The following ERBB4 variants were observed in gnomAD, a reference collection of about 807,000 sequenced individuals.
ERBB4 encodes receptor tyrosine-protein kinase erbB-4.
Under a neutral mutation model 158.0 loss-of-function variants are expected in ERBB4, and 42 were observed. The ratio of observed to expected loss-of-function variants is 0.27; its 90% CI spans 0.21 to 0.34. ERBB4 has a LOEUF of 0.34. ERBB4 is among the 10% of genes least tolerant of loss of function. ERBB4 has a pLI of 1.00. For missense variants in ERBB4, 1,333 were observed against 1,624.1 expected, an observed-to-expected ratio of 0.82 and a Z score of 3.08; for synonymous variants, 583 against 558.7, an observed-to-expected ratio of 1.04 and a Z score of -0.61.
rs2125300737 is a variant in ERBB4 at position 211,380,585 on chromosome 2, A to T, written c.*3030T>A. 1 of 232,106 alleles carries T rather than the reference A, an allele frequency of 4.3e-6. No individual in the cohort carries two copies. The highest frequency in any genetic ancestry group is 8.5e-6 in the Non-Finnish European group (1 of 117,336). 14.4% of individuals were successfully genotyped at this position (232,106 alleles called of 1,614,324 possible). ...CTAAATAAGTTATTCTCTGGAAGGAATGAAACTTTTTTTCTCCCTCTTATA... is the reference window on the plus strand; with the variant it reads ...CTAAATAAGTTATTCTCTGGAAGGATTGAAACTTTTTTTCTCCCTCTTATA... On this transcript the variant is annotated 3_prime_UTR_variant, in exon 28 of 28. Transcript: ENST00000342788.
At chr2:212,449,084 G>A (rs1237569010) in intron 1 of ERBB4, among the ~76,000 whole-genome samples, 1 of 151,970 alleles carries the variant, frequency 6.6e-6, no homozygotes, top group South Asian at 2.1e-4. Flanking sequence ...ATAGAAGTGT[G>A]GCTTCTATCA....
At chr2:212,033,365 T>C (rs1236688887) in intron 2 of ERBB4, among the ~76,000 whole-genome samples, 1 of 151,942 alleles carries the variant, frequency 6.6e-6, no homozygotes, top group Non-Finnish European at 1.5e-5. Context: ...TATTAAATTT[T>C]GTAATGCAGC....
chr2:211,668,969 T>A (rs1196500566), intron 14 of ERBB4, among the ~76,000 whole-genome samples: 2 of 152,080 alleles, frequency 1.3e-5, no homozygotes, highest in East Asian at 3.9e-4. Flanking sequence ...ACATCTTTAA[T>A]CCCAGCACTT....
chr2:211,565,206 G>A (rs567808166), intron 19 of ERBB4, among the ~76,000 whole-genome samples: 8 of 152,064 alleles, frequency 5.3e-5, no homozygotes, highest in South Asian at 2.1e-4. Context: ...TCATACTTAC[G>A]ATACAGCACA....
chr2:212,101,950 T>C (rs2079096813), intron 2 of ERBB4, among the ~76,000 whole-genome samples: 2 of 151,546 alleles, frequency 1.3e-5, no homozygotes, highest in Admixed American at 6.6e-5. Flanking sequence ...TTGTCTGCAT[T>C]CTCACAGTAT....
At chr2:212,367,717 C>T (rs543861164) in intron 1 of ERBB4, among the ~76,000 whole-genome samples, 55 of 152,048 alleles carry the variant, frequency 3.6e-4, no homozygotes, top group African/African-American at 1.3e-3. Context: ...CCAGAATCTA[C>T]AACGAATTCA....
chr2:211,918,225 A>G (rs1336070469), intron 3 of ERBB4, among the ~76,000 whole-genome samples: 8 of 152,174 alleles, frequency 5.3e-5, no homozygotes, highest in Admixed American at 4.6e-4. Flanking sequence ...TTCTCTTTGG[A>G]AAAGTAATTA....
At chr2:212,427,325 T>C (rs16848530) in intron 1 of ERBB4, among the ~76,000 whole-genome samples, 3,350 of 152,200 alleles carry the variant, frequency 0.022, 100 homozygotes, top group South Asian at 0.053. Flanking sequence ...GAGATGACAG[T>C]TTATCATATT....
chr2:212,043,961 A>T (rs2125378873), intron 2 of ERBB4, among the ~76,000 whole-genome samples: 1 of 152,110 alleles, frequency 6.6e-6, no homozygotes, highest in East Asian at 1.9e-4. Context: ...CTTAAAGGTT[A>T]TTTTTCTTTA....
At chr2:212,074,795 C>T (rs1300299796) in intron 2 of ERBB4, among the ~76,000 whole-genome samples, 5 of 151,970 alleles carry the variant, frequency 3.3e-5, no homozygotes, top group Non-Finnish European at 7.4e-5. Flanking sequence ...ATATTTTAAA[C>T]AGCTAGTAGG....
chr2:212,065,353 G>A (rs2125433333), intron 2 of ERBB4, among the ~76,000 whole-genome samples: 1 of 152,026 alleles, frequency 6.6e-6, no homozygotes, highest in Middle Eastern at 3.4e-3. Flanking sequence ...GGTGAACCAT[G>A]CAAAATTGCC....
intron 14 of ERBB4, among the ~76,000 whole-genome samples, chr2:211,669,239 GAA>G (rs1443445373): frequency 3.1e-5 from 3 of 98,228 alleles, no homozygotes; most frequent in Non-Finnish European, 6.6e-5. Context: ...AAAAAAAAAA[GAA>G]AAAAGAAAAA....
chr2:212,244,349 A>T (rs1044764239), intron 1 of ERBB4, among the ~76,000 whole-genome samples: 1 of 152,160 alleles, frequency 6.6e-6, no homozygotes, highest in Admixed American at 6.5e-5. Flanking sequence ...CTAGAATTTG[A>T]CACAAAATGA....
chr2:211,454,280 G>T (rs1408272029), intron 20 of ERBB4, among the ~76,000 whole-genome samples: 1 of 152,044 alleles, frequency 6.6e-6, no homozygotes, highest in Non-Finnish European at 1.5e-5. Context: ...GAACACTTTG[G>T]TAGAGAATAT....
chr2:212,272,476 A>C (rs2085378354), intron 1 of ERBB4, among the ~76,000 whole-genome samples: 1 of 151,750 alleles, frequency 6.6e-6, no homozygotes, highest in Non-Finnish European at 1.5e-5. Flanking sequence ...GGCCCAGAGA[A>C]GGGGGTTCCC....
At chr2:212,326,228 A>G in intron 1 of ERBB4, among the ~76,000 whole-genome samples, 1 of 150,754 alleles carries the variant, frequency 6.6e-6, no homozygotes. Flanking sequence ...AGTTTAAATA[A>G]CATGATTCCT....
At chr2:212,284,297 C>T (rs950032755) in intron 1 of ERBB4, among the ~76,000 whole-genome samples, 1 of 151,976 alleles carries the variant, frequency 6.6e-6, no homozygotes, top group Non-Finnish European at 1.5e-5. Context: ...TTTGTTGATA[C>T]TATTTACTCC....
At chr2:212,399,848 C>T (rs141778861) in intron 1 of ERBB4, among the ~76,000 whole-genome samples, 6,955 of 151,894 alleles carry the variant, frequency 0.046, 268 homozygotes, top group African/African-American at 0.11. Context: ...CACTGCACTC[C>T]AGCCTGGTGA....
intron 1 of ERBB4, among the ~76,000 whole-genome samples, chr2:212,165,708 A>T (rs1656802159): frequency 6.6e-6 from 1 of 151,996 alleles, no homozygotes; most frequent in Non-Finnish European, 1.5e-5. Flanking sequence ...ATTAAAAGGA[A>T]ATTTTCTAAA....
Sources: allele counts gnomAD v4.1 joint callset (sites outside exome capture counted in the v4.1 genomes callset), GRCh38; gene constraint gnomAD v4.1.1; transcripts MANE v1.5; gene names NCBI Gene and HGNC (gene_info 2026-07-23, HGNC 2026-07-21).